The following METAP1D variants were observed in gnomAD, a reference collection of about 807,000 sequenced individuals.
METAP1D encodes methionine aminopeptidase 1D, mitochondrial.
Under a neutral mutation model 40.5 loss-of-function variants are expected in METAP1D, and 31 were observed. The observed-to-expected ratio is 0.77, with a 90% CI of 0.58 to 1.03. The LOEUF is 1.03. Ranked by LOEUF, METAP1D falls within the 50% of genes least tolerant of loss-of-function variation. METAP1D has a pLI of 0.00. For missense variants in METAP1D, 411 were observed against 420.7 expected (o/e 0.98, Z 0.20); for synonymous variants, 151 against 146.4 (o/e 1.03, Z -0.22).
chr2:172,046,107 T>C (rs1385384638), intron 1 of METAP1D, among the ~76,000 whole-genome samples: 2 of 150,754 alleles, frequency 1.3e-5, no homozygotes, highest in African/African-American at 4.9e-5. Context: ...TTTACTTCGA[T>C]TCTGAAAATA....
chr2:172,036,390 C>CTT (rs1395368583), intron 1 of METAP1D, among the ~76,000 whole-genome samples: 2 of 139,644 alleles, frequency 1.4e-5, no homozygotes, highest in African/African-American at 2.6e-5. Context: ...CCACCTTTTT[C>CTT]TTTTTTTTTT....
intron 1 of METAP1D, among the ~76,000 whole-genome samples, chr2:172,045,846 T>TATATAA (rs1689751327): frequency 1.8e-5 from 2 of 109,102 alleles, no homozygotes; most frequent in Admixed American, 9.5e-5. Context: ...TATATATATA[T>TATATAA]ATATATATAT....
chr2:172,019,090 AC>A (rs1178778157), intron 1 of METAP1D, among the ~76,000 whole-genome samples: 3 of 152,172 alleles, frequency 2.0e-5, no homozygotes, highest in African/African-American at 7.2e-5. Flanking sequence ...AGTGGCTCAT[AC>A]CTGTAATCCC....
At chr2:172,016,332 A>ATATATATATATAT (rs1558995296) in intron 1 of METAP1D, among the ~76,000 whole-genome samples, 2 of 88,020 alleles carry the variant, frequency 2.3e-5, no homozygotes, top group Admixed American at 1.3e-4. Flanking sequence ...TATATATATA[A>ATATATATATATAT]ATAGTCCAGG....
At chr2:172,007,764 A>G (rs1050494730) in intron 1 of METAP1D, among the ~76,000 whole-genome samples, 6 of 152,062 alleles carry the variant, frequency 3.9e-5, no homozygotes, top group African/African-American at 9.7e-5. Context: ...TTCTCAGCTC[A>G]CTGCAACCTT....
rs1273069042 is a variant in METAP1D, at chr2:172,041,726, T to TTTATA, written c.41-19771_41-19770insTATAT. ...TTTTAATTTCCTTACTCTAATTATT[T>TTTATA]TATATATATATATATATATATATAT... On this transcript the variant is annotated intron_variant, in intron 1 of 9. Coordinates refer to ENST00000315796, the MANE Select transcript of METAP1D (RefSeq NM_199227.3). 2.4e-3 allele frequency among the ~76,000 whole-genome samples: 92 copies of TTTATA among 37,568 alleles called. 14 individuals are homozygous for TTTATA. Among genetic ancestry groups the TTTATA allele is most frequent in the Non-Finnish European group, 4.9e-3 (76 of 15,592 alleles). 24.6% of individuals were successfully genotyped at this position (37,568 alleles called of 152,430 possible). A position where few individuals can be genotyped will look rare whatever the true frequency, so the allele number is the denominator to read the frequency against.
chr2:172,031,350 G>C (rs760791667), intron 1 of METAP1D, among the ~76,000 whole-genome samples: 63 of 152,118 alleles, frequency 4.1e-4, no homozygotes, highest in Non-Finnish European at 7.2e-4. Context: ...AGGGATCTTG[G>C]TGGGAGAGAA....
intron 1 of METAP1D, among the ~76,000 whole-genome samples, chr2:172,038,488 TAGAG>T (rs745972571): frequency 6.6e-6 from 1 of 152,204 alleles, no homozygotes; most frequent in Non-Finnish European, 1.5e-5. Flanking sequence ...CTCAGTAAGA[TAGAG>T]AAACATTTTC....
At chr2:172,059,929 C>T (rs1203554549) in intron 1 of METAP1D, among the ~76,000 whole-genome samples, 6 of 152,012 alleles carry the variant, frequency 3.9e-5, no homozygotes, top group African/African-American at 1.4e-4. Context: ...TGCGCGCCTG[C>T]AGTCCCAGCT....
chr2:172,028,282 CCCAGAAAGG>C (rs1689165020), intron 1 of METAP1D, among the ~76,000 whole-genome samples: 1 of 152,062 alleles, frequency 6.6e-6, no homozygotes, highest in Non-Finnish European at 1.5e-5. Flanking sequence ...AAATGCAGAG[CCCAGAAAGG>C]GCTTAGTGTC....
In METAP1D at chr2:172,046,752, T is replaced by G. The variant is rs377680309; in HGVS notation, c.41-14746T>G. Among the ~76,000 whole-genome samples the G allele has an allele frequency of 4.1e-4, 63 of 152,358 alleles. 2 individuals carry two copies. The highest frequency in any genetic ancestry group is 1.5e-3 in the African/African-American group (61 of 41,588). On this transcript the variant is annotated intron_variant, in intron 1 of 9. Coordinates refer to ENST00000315796, the MANE Select transcript of METAP1D (RefSeq NM_199227.3). ...AAAATTAGAAAAATTTGTTTGACAT[T>G]TTTATCATAGTTTCATTAAACGGTC...
At chr2:172,032,951 C>T (rs975547742) in intron 1 of METAP1D, among the ~76,000 whole-genome samples, 3 of 151,876 alleles carry the variant, frequency 2.0e-5, no homozygotes, top group Non-Finnish European at 2.9e-5. Context: ...CCCAGCTACT[C>T]GGGAGGCTGA....
rs986559909 is a variant in METAP1D at position 172,012,529 on chromosome 2, C to T, written c.40+12520C>T. On this transcript the variant is annotated intron_variant, in intron 1 of 9. Transcript: ENST00000315796. ...ACACCTCTGTCACTGGTCACTTTTA[C>T]CAAAGCCTTCTAACTTAACGGAAGG... is the stretch of plus-strand genomic sequence containing the variant. 1.1e-4 allele frequency among the ~76,000 whole-genome samples: 16 copies of T among 152,258 alleles called. 1 individual carries two copies. The highest frequency in any genetic ancestry group is 8.5e-4 in the Admixed American group (13 of 15,292).
intron 6 of METAP1D, chr2:172,072,419 C>A (rs941667348): frequency 6.0e-6 from 1 of 167,312 alleles, no homozygotes; most frequent in Non-Finnish European, 1.5e-5. Context: ...ATGGCTGTGT[C>A]TAAAGGGCAT....
intron 5 of METAP1D, among the ~76,000 whole-genome samples, chr2:172,069,673 A>G (rs985934836): frequency 2.6e-5 from 4 of 152,226 alleles, no homozygotes; most frequent in African/African-American, 7.2e-5. Context: ...GTAAATGTAT[A>G]AAACACTATT....
chr2:172,021,073 A>G (rs1688994188), intron 1 of METAP1D, among the ~76,000 whole-genome samples: 1 of 152,076 alleles, frequency 6.6e-6, no homozygotes, highest in African/African-American at 2.4e-5. Flanking sequence ...ACTTGTCTAC[A>G]AGGCAGAGTT....
At chr2:172,078,623 C>T (rs16859964) in intron 7 of METAP1D, among the ~76,000 whole-genome samples, 33,745 of 152,094 alleles carry the variant, frequency 0.22, 3,840 homozygotes, top group Admixed American at 0.26. Context: ...CCCATGCCCT[C>T]GAGGATCGCT....
chr2:172,016,275 CAAAAAAAAAAAA>C (rs1172458646), intron 1 of METAP1D, among the ~76,000 whole-genome samples: 4 of 9,732 alleles, frequency 4.1e-4, no homozygotes, highest in Non-Finnish European at 7.0e-4. Flanking sequence ...GACCCTGTCT[CAAAAAAAAAAAA>C]AAAAAAAAAA....
chr2:172,030,484 A>G (rs1232966818), intron 1 of METAP1D, among the ~76,000 whole-genome samples: 1 of 152,198 alleles, frequency 6.6e-6, no homozygotes, highest in Non-Finnish European at 1.5e-5. Context: ...TGTGTGACAC[A>G]ACATTGCTAC....
Sources: allele counts gnomAD v4.1 joint callset (sites outside exome capture counted in the v4.1 genomes callset), GRCh38; gene constraint gnomAD v4.1.1; transcripts MANE v1.5; gene names NCBI Gene and HGNC (gene_info 2026-07-23, HGNC 2026-07-21).